The following OTUD7A variants were observed in gnomAD, a reference collection of about 807,000 sequenced individuals.
The protein encoded by OTUD7A is OTU domain-containing protein 7A.
In OTUD7A, 12 loss-of-function variants were observed where a neutral mutation model predicts 65.7. The ratio of observed to expected loss-of-function variants is 0.18; its 90% CI spans 0.12 to 0.30. The LOEUF (loss-of-function observed/expected upper bound fraction) is 0.30, where lower values mean the gene tolerates loss of function less well. Among genes scored for constraint, OTUD7A ranks in the 10% least tolerant of loss-of-function variants. The pLI is 1.00. For synonymous variants in OTUD7A, 641 were observed against 586.3 expected, an observed-to-expected ratio of 1.09 and a Z score of -1.35; for missense variants, 1,148 against 1,304.8, an observed-to-expected ratio of 0.88 and a Z score of 1.85.
intron 1 of OTUD7A, among the ~76,000 whole-genome samples, chr15:31,840,646 T>A (rs1309834594): frequency 2.0e-5 from 3 of 152,146 alleles, no homozygotes; most frequent in Non-Finnish European, 4.4e-5. Flanking sequence ...CTGGTAGTGG[T>A]GGAAAACATG....
At chr15:31,664,674 T>C (rs61365082) in intron 1 of OTUD7A, among the ~76,000 whole-genome samples, 29,903 of 152,162 alleles carry the variant, frequency 0.2, 3,120 homozygotes, top group East Asian at 0.25. Flanking sequence ...AAGTCCCAGC[T>C]ATTTATCTTT....
At chr15:31,793,196 C>T (rs1895865120) in intron 1 of OTUD7A, among the ~76,000 whole-genome samples, 1 of 152,170 alleles carries the variant, frequency 6.6e-6, no homozygotes, top group African/African-American at 2.4e-5. Context: ...AGAACTTGCT[C>T]TTCCTGCCCC....
At chr15:31,686,322 G>A (rs1293500686) in intron 1 of OTUD7A, among the ~76,000 whole-genome samples, 2 of 152,250 alleles carry the variant, frequency 1.3e-5, no homozygotes, top group East Asian at 1.9e-4. Context: ...CACAGGCCAT[G>A]AGCGTGGAGC....
intron 3 of OTUD7A, among the ~76,000 whole-genome samples, chr15:31,642,658 G>C (rs1329880298): frequency 6.6e-6 from 1 of 150,992 alleles, no homozygotes; most frequent in Non-Finnish European, 1.5e-5. Flanking sequence ...CATTTAACTT[G>C]CTGCATTTAT....
chr15:31,507,116 A>G (rs981608885), intron 8 of OTUD7A, among the ~76,000 whole-genome samples: 18 of 152,182 alleles, frequency 1.2e-4, no homozygotes, highest in African/African-American at 4.3e-4. Context: ...TAGATGCAGG[A>G]GTAACTGGTG....
At chr15:31,791,359 C>T (rs955719107) in intron 1 of OTUD7A, among the ~76,000 whole-genome samples, 2 of 152,070 alleles carry the variant, frequency 1.3e-5, no homozygotes, top group Non-Finnish European at 2.9e-5. Context: ...TTGCTTGGTT[C>T]CTAGGAAATT....
intron 3 of OTUD7A, among the ~76,000 whole-genome samples, chr15:31,615,903 T>G (rs143291831): frequency 6.4e-4 from 97 of 152,322 alleles, no homozygotes; most frequent in African/African-American, 2.3e-3. Flanking sequence ...CAGGGGCAGA[T>G]GGGAGGTCTG....
chr15:31,800,752 G>A (rs548024465), intron 1 of OTUD7A, among the ~76,000 whole-genome samples: 2 of 152,320 alleles, frequency 1.3e-5, no homozygotes, highest in African/African-American at 2.4e-5. Flanking sequence ...CACAGTGGAG[G>A]AGAAGCAGCC....
intron 3 of OTUD7A, among the ~76,000 whole-genome samples, chr15:31,652,982 G>A (rs1236209962): frequency 2.0e-5 from 3 of 152,114 alleles, no homozygotes; most frequent in Non-Finnish European, 2.9e-5. Flanking sequence ...CAGGCACAGT[G>A]GCTCACACCT....
chr15:31,752,475 T>C (rs1894663876), intron 1 of OTUD7A, among the ~76,000 whole-genome samples: 2 of 152,322 alleles, frequency 1.3e-5, no homozygotes, highest in East Asian at 1.9e-4. Flanking sequence ...ATGACATCAA[T>C]GAACATTTTG....
chr15:31,825,773 G>C (rs147762729), intron 1 of OTUD7A, among the ~76,000 whole-genome samples: 25 of 152,266 alleles, frequency 1.6e-4, no homozygotes, highest in Non-Finnish European at 2.6e-4. Flanking sequence ...AGATACAATG[G>C]GGGTACAGAC....
At chr15:31,651,229 G>A (rs1038674999) in intron 3 of OTUD7A, among the ~76,000 whole-genome samples, 6 of 146,902 alleles carry the variant, frequency 4.1e-5, no homozygotes, top group Non-Finnish European at 4.5e-5. Context: ...TATAGCAACA[G>A]TTTAAAGCAA....
chr15:31,548,232 C>T (rs937766812), intron 5 of OTUD7A, among the ~76,000 whole-genome samples: 2 of 140,132 alleles, frequency 1.4e-5, no homozygotes, highest in Admixed American at 7.1e-5. Context: ...GGGCCACCCC[C>T]CTTCACTTTG....
chr15:31,812,599 G>A (rs985075266), intron 1 of OTUD7A, among the ~76,000 whole-genome samples: 1 of 152,108 alleles, frequency 6.6e-6, no homozygotes, highest in Non-Finnish European at 1.5e-5. Flanking sequence ...CTCATGGAAT[G>A]CCTATTTCTG....
chr15:31,570,770 G>A (rs1043106687), intron 3 of OTUD7A, among the ~76,000 whole-genome samples: 6 of 152,126 alleles, frequency 3.9e-5, no homozygotes, highest in South Asian at 2.1e-4. Context: ...TGTGCCCAGC[G>A]TGGGTACGCA....
chr15:31,659,230 TC>T (rs1892088903), intron 1 of OTUD7A, among the ~76,000 whole-genome samples: 1 of 152,174 alleles, frequency 6.6e-6, no homozygotes. Context: ...TGTGGTCTGA[TC>T]CCTGGGGACA....
At chr15:31,713,003 C>T (rs1304812706) in intron 1 of OTUD7A, among the ~76,000 whole-genome samples, 2 of 152,238 alleles carry the variant, frequency 1.3e-5, no homozygotes, top group Non-Finnish European at 2.9e-5. Context: ...TCATCTGTTA[C>T]ACTTCCATAT....
chr15:31,857,767 A>G (rs1897615119), intron 1 of OTUD7A, among the ~76,000 whole-genome samples: 1 of 152,138 alleles, frequency 6.6e-6, no homozygotes, highest in African/African-American at 2.4e-5. Context: ...TTACCACTTG[A>G]TTGCTCACTT....
rs558521571 is a variant in OTUD7A, at chr15:31,708,641, T to C, written c.-99-51564A>G. Reference sequence around the variant, plus strand: ...CAGCCCTGAGCCTTAGTGCTGACTTTTCTTAACCTCCTTAGCAAGAATATC... The same window carrying C: ...CAGCCCTGAGCCTTAGTGCTGACTTCTCTTAACCTCCTTAGCAAGAATATC... On this transcript the variant is annotated intron_variant, in intron 1 of 12. Transcript: ENST00000307050. Among the ~76,000 whole-genome samples the C allele has an allele frequency of 2.6e-5, 4 of 151,986 alleles. No homozygotes were observed. In the South Asian group the frequency reaches 8.4e-4, roughly 32 times the overall value.
Sources: allele counts gnomAD v4.1 joint callset (sites outside exome capture counted in the v4.1 genomes callset), GRCh38; gene constraint gnomAD v4.1.1; transcripts MANE v1.5; gene names NCBI Gene and HGNC (gene_info 2026-07-23, HGNC 2026-07-21).